The following ATP2B2 variants were observed in gnomAD, a reference collection of about 807,000 sequenced individuals.
The protein encoded by ATP2B2 is ATPase plasma membrane Ca2+ transporting 2, also known as plasma membrane calcium-transporting ATPase 2.
A neutral mutation model predicts 120.0 loss-of-function variants in ATP2B2; 15 were observed. The observed-to-expected ratio is 0.12, with a 90% CI of 0.08 to 0.19. The LOEUF (loss-of-function observed/expected upper bound fraction) is 0.19, where lower values mean the gene tolerates loss of function less well. Among genes scored for constraint, ATP2B2 ranks in the 10% least tolerant of loss-of-function variants. The pLI is 1.00. For synonymous variants in ATP2B2, 694 were observed against 700.3 expected, an observed-to-expected ratio of 0.99 and a Z score of 0.14; for missense variants, 1,045 against 1,719.8, an observed-to-expected ratio of 0.61 and a Z score of 6.94.
rs760285222 is a variant in ATP2B2 at position 10,340,563 on chromosome 3, C to A, written c.3059G>T (p.Arg1020Leu). 1 of 1,614,236 alleles carries A rather than the reference C, an allele frequency of 6.2e-7. No homozygotes were observed. Among genetic ancestry groups the A allele is most frequent in the Non-Finnish European group, 8.5e-7 (1 of 1,180,050 alleles). The change falls in exon 20 of 23, where the codon CGC (arginine) becomes CTC (leucine). Residue 1020 changes from arginine to leucine, a missense_variant. By Grantham distance (102) the Arg-to-Leu change is moderately radical (BLOSUM62 -2). This residue lies in a region of ATP2B2 where 211 missense variants were observed against 385.1 expected (regional missense o/e 0.55). Coordinates refer to ENST00000360273, the MANE Select transcript of ATP2B2 (RefSeq NM_001001331.4). The surrounding 1 kb of genome is among the most constrained non-coding windows in gnomAD (Gnocchi z 5.0). ...EINARKIHGE[R>L]NVFDGIFRNP... is the part of the protein sequence containing the mutation. ...CCGGAAGATGCCGTCAAAGACATTG[C>A]GCTCGCCGTGGATCTTGCGGGCGTT... is the stretch of plus-strand genomic sequence containing the variant.
At chr3:10,667,568 G>A (rs911645032) in intron 1 of ATP2B2, among the ~76,000 whole-genome samples, 3 of 152,214 alleles carry the variant, frequency 2.0e-5, no homozygotes, top group African/African-American at 7.2e-5. Context: ...CTCTGCCCAT[G>A]AGCTACTGAC....
chr3:10,390,002 A>AT (rs201760680), intron 5 of ATP2B2, among the ~76,000 whole-genome samples: 6 of 151,240 alleles, frequency 4.0e-5, no homozygotes, highest in Admixed American at 6.6e-5. Flanking sequence ...CCAGGCACAC[A>AT]TTTTTTTTTC....
At position 10,449,490 on chromosome 3, in the gene ATP2B2, C is replaced by T. The variant is rs772340377; in HGVS notation, c.54G>A (p.Ser18=). ...TGCACCCGAACTCGCCCCCATGGCTCGACTCATTTCTTTGGTTTTTGGAGT... is the reference window on the plus strand; with the variant it reads ...TGCACCCGAACTCGCCCCCATGGCTTGACTCATTTCTTTGGTTTTTGGAGT... The part of the protein sequence containing the change: ...DFYSKNQRNE[S]SHGGEFGCTM... The change falls in exon 2 of 23, where the codon TCG becomes TCA. Residue 18 remains serine (S), a synonymous_variant. Coordinates refer to ENST00000360273, the MANE Select transcript of ATP2B2 (RefSeq NM_001001331.4). 1.2e-5 allele frequency: 20 copies of T among 1,614,116 alleles called. No homozygotes were observed. Among genetic ancestry groups the T allele is most frequent in the Middle Eastern group, 1.6e-4 (1 of 6,084 alleles).
intron 2 of ATP2B2, among the ~76,000 whole-genome samples, chr3:10,546,505 C>CA (rs2067550534): frequency 1.3e-5 from 2 of 152,226 alleles, no homozygotes; most frequent in South Asian, 4.1e-4. Flanking sequence ...CAGCTGCCAA[C>CA]CTCTCCACCC....
chr3:10,336,641 G>A lies in ATP2B2; in HGVS notation c.3420+1535C>T, dbSNP rs574948009. The stretch of plus-strand genomic sequence containing the variant: ...TGTTCAGCCTCCCTCAGGTACAGGC[G>A]TGGAGGTAGAGGGTGTGGTGGGGGT... On this transcript the variant is annotated intron_variant, in intron 22 of 22. Coordinates refer to ENST00000360273, the MANE Select transcript of ATP2B2 (RefSeq NM_001001331.4). 3.3e-5 allele frequency among the ~76,000 whole-genome samples: 5 copies of A among 152,304 alleles called. No homozygotes were observed. The East Asian group carries it at 5.8e-4, about 18-fold the overall frequency.
intron 2 of ATP2B2, among the ~76,000 whole-genome samples, chr3:10,573,292 C>T (rs898279621): frequency 2.6e-5 from 4 of 152,128 alleles, no homozygotes; most frequent in Admixed American, 6.5e-5. Flanking sequence ...ATGTTAATTG[C>T]TTCCTGAATC....
intron 1 of ATP2B2, among the ~76,000 whole-genome samples, chr3:10,490,206 C>A (rs56147727): frequency 0.03 from 4,542 of 152,330 alleles, 89 homozygotes; most frequent in Middle Eastern, 0.095. Flanking sequence ...CTCTGCTAGA[C>A]CCCATGGTCT....
At chr3:10,584,499 T>C (rs995216357) in intron 2 of ATP2B2, among the ~76,000 whole-genome samples, 1 of 152,186 alleles carries the variant, frequency 6.6e-6, no homozygotes, top group Non-Finnish European at 1.5e-5. Context: ...TGGGCGCTTC[T>C]GTACCTGGTG....
chr3:10,457,639 TGTGA>T (rs1030292775), intron 1 of ATP2B2, among the ~76,000 whole-genome samples: 2 of 152,134 alleles, frequency 1.3e-5, no homozygotes, highest in East Asian at 1.9e-4. Flanking sequence ...CCCCATGATG[TGTGA>T]GTGTCTGTGT....
At chr3:10,447,631 A>G (rs1353166310) in intron 2 of ATP2B2, among the ~76,000 whole-genome samples, 2 of 152,202 alleles carry the variant, frequency 1.3e-5, no homozygotes, top group African/African-American at 4.8e-5. Flanking sequence ...AGGCCACTTG[A>G]ACAACCCTGC....
chr3:10,354,309 G>T (rs563067106), intron 14 of ATP2B2, among the ~76,000 whole-genome samples: 1 of 152,240 alleles, frequency 6.6e-6, no homozygotes, highest in South Asian at 2.1e-4. Flanking sequence ...AAACCCCAGA[G>T]GCATCGATCC....
chr3:10,541,976 C>T (rs1001029484), intron 2 of ATP2B2, among the ~76,000 whole-genome samples: 2 of 152,106 alleles, frequency 1.3e-5, no homozygotes, highest in African/African-American at 4.8e-5. Context: ...TCCTGATTGA[C>T]CCTTTTATCA....
chr3:10,379,123 C>T (rs1302173621), intron 9 of ATP2B2, 120 bp downstream of exon 9: 11 of 1,223,642 alleles, frequency 9.0e-6, no homozygotes. Flanking sequence ...TCGTCAGACA[C>T]CTGTAGGAGT....
intron 1 of ATP2B2, among the ~76,000 whole-genome samples, chr3:10,460,484 G>A (rs543939573): frequency 6.6e-6 from 1 of 152,258 alleles, no homozygotes; most frequent in South Asian, 2.1e-4. Flanking sequence ...ATGAAGAGTG[G>A]GGTTGGGAAA....
intron 2 of ATP2B2, among the ~76,000 whole-genome samples, chr3:10,603,886 C>T (rs1417439678): frequency 6.6e-6 from 1 of 152,168 alleles, no homozygotes; most frequent in Admixed American, 6.5e-5. Flanking sequence ...TCTTTTGGGT[C>T]CCTGGAGGAG....
Position 10,343,464 on chromosome 3 carries a change from T to C in ATP2B2, c.2704-499A>G, listed in dbSNP as rs373835585. On this transcript the variant is annotated intron_variant, in intron 18 of 22. Transcript: ENST00000360273. This position sits in a 1 kb window ranked among gnomAD's most constrained non-coding sequence, Gnocchi z 4.2. Reference sequence around the variant, plus strand: ...CTTAAAAAATTATTGTGCGTATCTATGACTCAAAAATTAATACATTTCAAG... The same window carrying C: ...CTTAAAAAATTATTGTGCGTATCTACGACTCAAAAATTAATACATTTCAAG... 3.0e-3 allele frequency among the ~76,000 whole-genome samples: 424 copies of C among 143,318 alleles called. 2 individuals are homozygous for C. The highest frequency in any genetic ancestry group is 0.013 in the South Asian group (57 of 4,272). The allele number at this position is 143,318 out of a possible 152,430, so 94.0% of individuals were successfully genotyped here.
At chr3:10,469,256 G>A (rs1465814821) in intron 1 of ATP2B2, among the ~76,000 whole-genome samples, 1 of 152,226 alleles carries the variant, frequency 6.6e-6, no homozygotes, top group Non-Finnish European at 1.5e-5. Context: ...CCCTGCAAGA[G>A]GCACTTTTTA....
chr3:10,683,052 C>T (rs994884725), intron 1 of ATP2B2, among the ~76,000 whole-genome samples: 1 of 152,076 alleles, frequency 6.6e-6, no homozygotes, highest in Non-Finnish European at 1.5e-5. Context: ...ATGCAAATGG[C>T]CACTGAGTCT....
intron 2 of ATP2B2, among the ~76,000 whole-genome samples, chr3:10,557,383 G>A (rs367840983): frequency 1.1e-4 from 17 of 152,362 alleles, no homozygotes; most frequent in Middle Eastern, 6.8e-3. Flanking sequence ...CCGCCTTTGC[G>A]GCATCTGGGC....
Sources: gnomAD v4.1 joint callset for allele counts (sites outside exome capture counted in the v4.1 genomes callset) on GRCh38, gnomAD v4.1.1 for gene constraint, gnomAD v4.1.1 regional missense constraint, Gnocchi (gnomAD v3.1) non-coding constraint, MANE v1.5 for transcripts, NCBI Gene and HGNC (gene_info 2026-07-23, HGNC 2026-07-21) for gene names.